The following FIRRM variants were observed in gnomAD, a reference collection of about 807,000 sequenced individuals.
The protein encoded by FIRRM is FIGNL1-interacting regulator of recombination and mitosis.
At chr1:169,827,865 C>A in the FIRRM span, 2 of 1,610,738 alleles carry the variant, frequency 1.2e-6, no homozygotes, top group South Asian at 1.1e-5. Context: ...TTTATCCAGT[C>A]ATATTACCAA....
chr1:169,813,026 T>C, the FIRRM span, among the ~76,000 whole-genome samples: 1 of 152,156 alleles, frequency 6.6e-6, no homozygotes, highest in African/African-American at 2.4e-5. Flanking sequence ...TTTTGCTATA[T>C]TGGAAAAGAA....
chr1:169,803,112 T>C, the FIRRM span: 2 of 1,538,184 alleles, frequency 1.3e-6, no homozygotes, highest in African/African-American at 1.4e-5. Flanking sequence ...TGCTGACTAA[T>C]ACCTTTTCAG....
the FIRRM span, among the ~76,000 whole-genome samples, chr1:169,822,437 G>A: frequency 6.6e-6 from 1 of 152,160 alleles, no homozygotes; most frequent in Non-Finnish European, 1.5e-5. Flanking sequence ...ATAATGTTTT[G>A]TTCACTGGCT....
At chr1:169,805,256 C>G in the FIRRM span, among the ~76,000 whole-genome samples, 1 of 152,222 alleles carries the variant, frequency 6.6e-6, no homozygotes, top group Non-Finnish European at 1.5e-5. Context: ...ACAACTTTCT[C>G]TGATCCACCT....
chr1:169,811,391 G>A, the FIRRM span, among the ~76,000 whole-genome samples: 7 of 152,236 alleles, frequency 4.6e-5, no homozygotes, highest in South Asian at 1.2e-3. Flanking sequence ...GAAAGAATGT[G>A]CCTGTAATCT....
the FIRRM span, chr1:169,804,489 T>G: frequency 4.1e-6 from 1 of 244,100 alleles, no homozygotes; most frequent in Non-Finnish European, 7.8e-6. Context: ...TTATAATCTC[T>G]GAGGTTGTCC....
the FIRRM span, chr1:169,821,612 G>A: frequency 5.1e-6 from 6 of 1,181,126 alleles, no homozygotes; most frequent in Non-Finnish European, 7.1e-6. Flanking sequence ...TGTCTCATTT[G>A]TAAGCTTAGC....
At chr1:169,850,464 A>G in the FIRRM span, 416,480 of 670,538 alleles carry the variant, frequency 0.62, 130,486 homozygotes, top group Middle Eastern at 0.76. Context: ...TGCTGAGCAC[A>G]GTGCTGACGA....
At chr1:169,794,979 A>G in the FIRRM span, 2 of 744,096 alleles carry the variant, frequency 2.7e-6, no homozygotes, top group African/African-American at 3.5e-5. Context: ...CTCACCAAGA[A>G]ACCAGCCGCC....
the FIRRM span, chr1:169,793,211 TA>T: frequency 3.1e-6 from 5 of 1,614,068 alleles, no homozygotes; most frequent in Non-Finnish European, 4.2e-6. Context: ...GCCTCCCTCA[TA>T]AACACCTGTA....
At chr1:169,792,510 C>A in the FIRRM span, 3 of 1,345,166 alleles carry the variant, frequency 2.2e-6, no homozygotes, top group South Asian at 1.7e-5. Context: ...AATAGCAAAA[C>A]AGAAATCAAA....
chr1:169,784,259 T>G, the FIRRM span, among the ~76,000 whole-genome samples: 6 of 152,196 alleles, frequency 3.9e-5, no homozygotes, highest in African/African-American at 1.4e-4. Context: ...ACTGGGGCTG[T>G]CATCAAGGGC....
At chr1:169,790,504 C>A in the FIRRM span, among the ~76,000 whole-genome samples, 3 of 151,954 alleles carry the variant, frequency 2.0e-5, no homozygotes, top group South Asian at 4.2e-4. Context: ...ATCTTTAATG[C>A]CCCAAATTAT....
chr1:169,847,742 G>A, the FIRRM span: 32 of 1,613,498 alleles, frequency 2.0e-5, no homozygotes, highest in Middle Eastern at 3.3e-4. Flanking sequence ...GACTATGTTC[G>A]TTTGGCAATG....
the FIRRM span, chr1:169,847,897 C>A: frequency 1.3e-6 from 1 of 741,424 alleles, no homozygotes. Context: ...TGAAATTTTG[C>A]AATTACTGAC....
the FIRRM span, among the ~76,000 whole-genome samples, chr1:169,845,645 CAAGA>C: frequency 6.6e-6 from 1 of 151,452 alleles, no homozygotes; most frequent in Non-Finnish European, 1.5e-5. Flanking sequence ...AGTTATGTGT[CAAGA>C]AACCACTTTC....
chr1:169,818,397 G>T, the FIRRM span, among the ~76,000 whole-genome samples: 3 of 152,144 alleles, frequency 2.0e-5, no homozygotes, highest in Admixed American at 6.6e-5. Context: ...AGCAGTTTAT[G>T]ACCTTAAAGC....
chr1:169,849,809 A>G, the FIRRM span: 1 of 562,456 alleles, frequency 1.8e-6, no homozygotes, highest in Admixed American at 3.1e-5. Flanking sequence ...TCCTCTGAAT[A>G]AACAAGGACC....
chr1:169,849,660 T>C, the FIRRM span: 1 of 1,373,388 alleles, frequency 7.3e-7, no homozygotes, highest in Non-Finnish European at 1.0e-6. Flanking sequence ...ATATTTCAAA[T>C]ATTCCAGAAC....
Sources: allele counts gnomAD v4.1 joint callset (sites outside exome capture counted in the v4.1 genomes callset), GRCh38; gene constraint gnomAD v4.1.1; transcripts MANE v1.5; gene names NCBI Gene and HGNC (gene_info 2026-07-23, HGNC 2026-07-21).